CCNC: variants seen among roughly 807,000 people sequenced by gnomAD.
CCNC encodes the protein cyclin C.
A neutral mutation model predicts 50.0 loss-of-function variants in CCNC; 19 were observed. The ratio of observed to expected loss-of-function variants is 0.38; its 90% CI spans 0.27 to 0.56. The LOEUF (loss-of-function observed/expected upper bound fraction) is 0.56. Ranked by LOEUF, CCNC falls within the 20% of genes least tolerant of loss-of-function variation. CCNC has a pLI of 0.72. For synonymous variants in CCNC, 93 were observed against 103.7 expected (o/e 0.90, Z 0.63); for missense variants, 200 against 327.1 (o/e 0.61, Z 3.00).
intron 2 of CCNC, 58 bp downstream of exon 2, chr6:99,562,784 C>A: frequency 1.0e-6 from 1 of 971,974 alleles, no homozygotes. Context: ...CACACAAAAA[C>A]ATTTTTATTC....
At chr6:99,560,206 TAA>T (rs1354061963) in intron 4 of CCNC, among the ~76,000 whole-genome samples, 1 of 152,182 alleles carries the variant, frequency 6.6e-6, no homozygotes, top group African/African-American at 2.4e-5. Flanking sequence ...TGCCTGTGCT[TAA>T]GAGACTTTAA....
At chr6:99,563,507 G>GA (rs1312480750) in intron 1 of CCNC, among the ~76,000 whole-genome samples, 1 of 152,068 alleles carries the variant, frequency 6.6e-6, no homozygotes, top group African/African-American at 2.4e-5. Context: ...ATGACTCAAA[G>GA]AAAAAACTAT....
chr6:99,543,863 A>G, intron 11 of CCNC: 1 of 1,316,498 alleles, frequency 7.6e-7, no homozygotes, highest in Non-Finnish European at 9.7e-7. Context: ...TATATACTCA[A>G]AAACTTTAAA....
At chr6:99,568,719 G>A (rs1379867671), upstream of CCNC, 57 of 1,428,566 alleles carry the variant, frequency 4.0e-5, no homozygotes, top group Non-Finnish European at 5.2e-5. Context: ...ACACTCAACT[G>A]TGCAAACCCG....
intron 9 of CCNC, among the ~76,000 whole-genome samples, chr6:99,547,044 T>C (rs1342667014): frequency 1.4e-5 from 2 of 144,456 alleles, no homozygotes; most frequent in Non-Finnish European, 3.0e-5. Context: ...ATATACTGTA[T>C]ACAATATTAG....
chr6:99,562,715 AAAAGAATAC>A (rs1377646378), intron 2 of CCNC, 118 bp downstream of exon 2: 3 of 581,644 alleles, frequency 5.2e-6, no homozygotes, highest in African/African-American at 3.8e-5. Context: ...ATATGTTGTA[AAAAGAATAC>A]CTGTATAAGC....
intron 8 of CCNC, 59 bp downstream of exon 8, chr6:99,550,155 TTTAA>T: frequency 8.6e-7 from 1 of 1,163,998 alleles, no homozygotes; most frequent in Non-Finnish European, 1.3e-6. Context: ...TAACTTCATA[TTTAA>T]TTGTCAACCT....
At chr6:99,563,362 T>G (rs1183155235) in intron 1 of CCNC, among the ~76,000 whole-genome samples, 1 of 152,216 alleles carries the variant, frequency 6.6e-6, no homozygotes, top group Non-Finnish European at 1.5e-5. Flanking sequence ...CAGCTGTTCA[T>G]GGGTAACTAT....
rs142662697 is a variant in CCNC, at chr6:99,548,099, G to A, written c.598+1409C>T. ...GTCTGAGGTGCTGGTGGGATGCCAA[G>A]CGGAGCTATGTAAAAGGAAGATGGA... On this transcript the variant is annotated intron_variant, in intron 9 of 11. Transcript: ENST00000520429. 5.3e-4 allele frequency among the ~76,000 whole-genome samples: 80 copies of A among 152,280 alleles called. 4 individuals are homozygous for A. The South Asian group carries it at 0.016, about 30-fold the overall frequency.
rs773189296 is a variant in CCNC, at chr6:99,561,605, G to A, written c.216C>T (p.Phe72=). ...IATATVYFKR[F]YARYSLKSID... is the part of the protein sequence containing the mutation. ...AATAAAAACAATCCTACCTGGCATA[G>A]AATCTCTTGAAATATACCGTAGCAG... Residue 72 remains phenylalanine (F), a synonymous_variant, in exon 3 of 12, where the codon TTC becomes TTT. Transcript: ENST00000520429. 1.1e-5 allele frequency: 18 copies of A among 1,601,028 alleles called. No homozygotes were observed. Among genetic ancestry groups the A allele is most frequent in the Non-Finnish European group, 1.5e-5 (17 of 1,169,616 alleles).
At chr6:99,554,323 C>T (rs924314357) in intron 5 of CCNC, among the ~76,000 whole-genome samples, 1 of 152,088 alleles carries the variant, frequency 6.6e-6, no homozygotes, top group African/African-American at 2.4e-5. Context: ...TCTCAGGTTT[C>T]CCCACTGTAA....
chr6:99,551,922 A>G (rs1802316773), intron 5 of CCNC, 27 bp from the exon 6 acceptor site: 4 of 1,355,978 alleles, frequency 2.9e-6, no homozygotes, highest in Non-Finnish European at 3.0e-6. Flanking sequence ...AAAAATTTAA[A>G]CTGAGAAAAT....
chr6:99,566,665 C>G (rs564226980), intron 1 of CCNC, among the ~76,000 whole-genome samples: 28 of 152,222 alleles, frequency 1.8e-4, no homozygotes, highest in African/African-American at 6.7e-4. Flanking sequence ...ATAAATTTCA[C>G]AAACATTTTA....
At chr6:99,547,257 G>A (rs1802105405) in intron 9 of CCNC, among the ~76,000 whole-genome samples, 2 of 152,084 alleles carry the variant, frequency 1.3e-5, no homozygotes, top group Non-Finnish European at 2.9e-5. Flanking sequence ...CACACTGGTT[G>A]CCCTAAGTCA....
chr6:99,560,496 A>G (rs1802732471), intron 4 of CCNC, among the ~76,000 whole-genome samples: 1 of 152,236 alleles, frequency 6.6e-6, no homozygotes, highest in African/African-American at 2.4e-5. Context: ...ATGTAAACTT[A>G]CTAGGTAAAA....
At chr6:99,560,218 AATT>A (rs1302290156) in intron 4 of CCNC, among the ~76,000 whole-genome samples, 3 of 152,198 alleles carry the variant, frequency 2.0e-5, no homozygotes, top group African/African-American at 7.2e-5. Flanking sequence ...AGAGACTTTA[AATT>A]ATTACATGGT....
At chr6:99,562,471 C>T (rs1186790419) in intron 2 of CCNC, 1 of 159,408 alleles carries the variant, frequency 6.3e-6, no homozygotes, top group Non-Finnish European at 1.4e-5. Context: ...TCTATCCCTA[C>T]ATCTTCTTCC....
At chr6:99,553,974 G>T (rs1802414909) in intron 5 of CCNC, among the ~76,000 whole-genome samples, 1 of 151,920 alleles carries the variant, frequency 6.6e-6, no homozygotes, top group African/African-American at 2.4e-5. Flanking sequence ...TCCTTAGTTT[G>T]TACCAATGTC....
chr6:99,548,160 A>G lies in CCNC; in HGVS notation c.598+1348T>C, dbSNP rs139442262. The stretch of plus-strand genomic sequence containing the variant: ...TGCCAAGTGGCAAGATCTTGGCTAA[A>G]TAAAGAGATTTAAATGTTTCGGCAT... On this transcript the variant is annotated intron_variant, in intron 9 of 11. Transcript: ENST00000520429. Among the ~76,000 whole-genome samples the G allele has an allele frequency of 1.1e-4, 16 of 152,296 alleles. 1 individual carries two copies. Among genetic ancestry groups the G allele is most frequent in the South Asian group, 8.3e-4 (4 of 4,818 alleles).
Sources: allele counts gnomAD v4.1 joint callset (sites outside exome capture counted in the v4.1 genomes callset), GRCh38; gene constraint gnomAD v4.1.1; transcripts MANE v1.5; gene names NCBI Gene and HGNC (gene_info 2026-07-23, HGNC 2026-07-21).